TRMT9B: variants seen among roughly 807,000 people sequenced by gnomAD.
TRMT9B encodes probable tRNA methyltransferase 9B.
Under a neutral mutation model 11.5 loss-of-function variants are expected in TRMT9B, and 16 were observed. That is an observed-to-expected ratio of 1.39 (90% CI 0.94 to 2.11). The LOEUF (loss-of-function observed/expected upper bound fraction) is 2.11. Ranked by LOEUF, TRMT9B falls within the 30% of genes most tolerant of loss-of-function variation. TRMT9B has a pLI of 0.00. For synonymous variants in TRMT9B, 274 were observed against 192.4 expected (o/e 1.42, Z -3.51); for missense variants, 941 against 553.8 (o/e 1.70, Z -7.02).
chr8:12,959,668 C>T (rs538230955), intron 1 of TRMT9B, among the ~76,000 whole-genome samples: 8 of 151,702 alleles, frequency 5.3e-5, no homozygotes, highest in South Asian at 4.2e-4. Flanking sequence ...TACAGGTTCA[C>T]GCCACTACAC....
rs1815063161 is a variant in TRMT9B at position 13,029,082 on chromosome 8, G to A, written c.*7038G>A. On this transcript the variant is annotated 3_prime_UTR_variant, in exon 5 of 5. Transcript: ENST00000524591. The stretch of plus-strand genomic sequence containing the variant: ...ATATATATATTCCTAGACATCTAGT[G>A]TTTGCTGTCATTAGTGACCAAGAAA... The A allele has an allele frequency of 6.0e-6, 1 of 166,822 alleles. No individual in the cohort carries two copies. Among genetic ancestry groups the A allele is most frequent in the Non-Finnish European group, 1.5e-5 (1 of 68,104 alleles). The allele number at this position is 166,822 out of a possible 1,614,324, so 10.3% of individuals were successfully genotyped here.
rs117485784 is a variant in TRMT9B, at chr8:12,989,267, C to G, written c.-199-1567C>G. ...GTGTTTCTTTCAATACTAAATATGA[C>G]TGATTTAATAAAAAGTCTCAATTGG... On this transcript the variant is annotated intron_variant, in intron 1 of 4. Transcript: ENST00000524591. 6.7e-3 allele frequency among the ~76,000 whole-genome samples: 1,016 copies of G among 152,226 alleles called. 11 individuals carry two copies. Among genetic ancestry groups the G allele is most frequent in the Admixed American group, 0.021 (318 of 15,292 alleles).
Position 13,012,862 on chromosome 8 carries a change from G to C in TRMT9B, c.328+5G>C. ...ATGCCATCATCTCCATAGGAGGTAA[G>C]GCAGCCAGATCACACATTCACCCTT... is the stretch of plus-strand genomic sequence containing the variant. On this transcript the variant is annotated splice_donor_5th_base_variant and intron_variant, in intron 4 of 4. Transcript: ENST00000524591. 6.2e-7 allele frequency: 1 copy of C among 1,613,086 alleles called. No individual in the cohort carries two copies. Among genetic ancestry groups the C allele is most frequent in the Non-Finnish European group, 8.5e-7 (1 of 1,179,516 alleles).
chr8:12,962,618 G>A (rs1802279769), intron 1 of TRMT9B, among the ~76,000 whole-genome samples: 1 of 152,104 alleles, frequency 6.6e-6, no homozygotes, highest in South Asian at 2.1e-4. Context: ...AGCCCCCCAA[G>A]TAGCTGGGAC....
intron 1 of TRMT9B, among the ~76,000 whole-genome samples, chr8:12,957,518 A>G (rs147268174): frequency 1.3e-4 from 20 of 152,316 alleles, no homozygotes; most frequent in African/African-American, 4.3e-4. Context: ...GCATACAAAG[A>G]TGGTAATTCA....
At chr8:12,962,875 G>A (rs1237199931) in intron 1 of TRMT9B, among the ~76,000 whole-genome samples, 1 of 152,166 alleles carries the variant, frequency 6.6e-6, no homozygotes, top group East Asian at 1.9e-4. Context: ...TCCTACCACT[G>A]GCACAGCTAA....
chr8:12,979,240 T>C (rs535129869), intron 1 of TRMT9B, among the ~76,000 whole-genome samples: 1 of 152,334 alleles, frequency 6.6e-6, no homozygotes, highest in Non-Finnish European at 1.5e-5. Flanking sequence ...TTTTGACCCC[T>C]GCAGGCAATG....
chr8:12,962,705 G>A (rs1395066633), intron 1 of TRMT9B, among the ~76,000 whole-genome samples: 1 of 152,122 alleles, frequency 6.6e-6, no homozygotes, highest in African/African-American at 2.4e-5. Flanking sequence ...TGTCCAGGCT[G>A]GTCTGGAACT....
chr8:12,996,437 A>G lies in TRMT9B; in HGVS notation c.-2+5406A>G, dbSNP rs374670101. Among the ~76,000 whole-genome samples, 304 of 152,304 alleles carry G rather than the reference A, an allele frequency of 2.0e-3. 2 individuals carry two copies. The highest frequency in any genetic ancestry group is 7.1e-3 in the African/African-American group (294 of 41,568). ...TTAAGTTACTTATTTCTTCAGTTAG[A>G]TTTCTTCTGAGGCAAAACTCTCTCA... On this transcript the variant is annotated intron_variant, in intron 2 of 4. Transcript: ENST00000524591.
chr8:12,984,522 A>C (rs982698728), intron 1 of TRMT9B, among the ~76,000 whole-genome samples: 1 of 152,168 alleles, frequency 6.6e-6, no homozygotes, highest in Non-Finnish European at 1.5e-5. Flanking sequence ...CTTGTCCTCC[A>C]TCCTGCCTAA....
intron 1 of TRMT9B, among the ~76,000 whole-genome samples, chr8:12,976,450 A>G (rs1358163997): frequency 3.3e-5 from 5 of 151,876 alleles, no homozygotes; most frequent in Non-Finnish European, 7.4e-5. Context: ...ACATTAACAT[A>G]GCATATGGGC....
At position 12,992,422 on chromosome 8, in the gene TRMT9B, G is replaced by A. The variant is rs935049325; in HGVS notation, c.-2+1391G>A. On this transcript the variant is annotated intron_variant, in intron 2 of 4. Transcript: ENST00000524591. ...GTAATTCTAGCTCTTTGGGAGGCCT[G>A]GGTAGACAGTGCAGTGGTTCACCAT... 3.9e-5 allele frequency among the ~76,000 whole-genome samples: 6 copies of A among 152,152 alleles called. No individual in the cohort carries two copies. In the East Asian group the frequency reaches 9.7e-4, roughly 25 times the overall value.
At chr8:12,969,207 AAAACAAACAAAC>A (rs369224363) in intron 1 of TRMT9B, among the ~76,000 whole-genome samples, 1 of 152,038 alleles carries the variant, frequency 6.6e-6, no homozygotes, top group African/African-American at 2.4e-5. Flanking sequence ...ACTGTGTCTA[AAAACAAACAAAC>A]AAACAAACAA....
intron 4 of TRMT9B, among the ~76,000 whole-genome samples, chr8:13,013,274 C>G (rs950300283): frequency 6.6e-6 from 1 of 152,184 alleles, no homozygotes; most frequent in South Asian, 2.1e-4. Context: ...CTAGGGCTAA[C>G]AAACCAAATG....
chr8:13,021,692 A>T lies in TRMT9B; in HGVS notation c.1013A>T (p.Gln338Leu), dbSNP rs61731897. 47 of 1,613,894 alleles carry T rather than the reference A, an allele frequency of 2.9e-5. No homozygotes were observed. The African/African-American group carries it at 5.9e-4, about 20-fold the overall frequency. Residue 338 changes from glutamine to leucine, a missense_variant, in exon 5 of 5, where the codon CAA becomes CTA. Gln to Leu is a moderately radical substitution (Grantham distance 113). Transcript: ENST00000524591. ...CTGAAACATTTAAATGGAGACCATCAAGGGGAAATGAGGAGAAATGGAGGG... is the reference window on the plus strand; with the variant it reads ...CTGAAACATTTAAATGGAGACCATCTAGGGGAAATGAGGAGAAATGGAGGG... ...GTLKHLNGDH[Q>L]GEMRRNGGGN...
Position 13,021,754 on chromosome 8 carries a change from T to G in TRMT9B, c.1075T>G (p.Cys359Gly), listed in dbSNP as rs1813961081. 1 of 1,613,862 alleles carries G rather than the reference T, an allele frequency of 6.2e-7. No homozygotes were observed. The highest frequency in any genetic ancestry group is 1.3e-5 in the African/African-American group (1 of 74,928). The change falls in exon 5 of 5, where the codon TGT becomes GGT. Residue 359 changes from cysteine (C) to glycine (G), a missense_variant. Cys to Gly is a radical substitution (Grantham distance 159, BLOSUM62 -3). Coordinates refer to ENST00000524591, the MANE Select transcript of TRMT9B (RefSeq NM_020844.3). ...FLDSTNTGVN[C>G]VDAGNIEDDN... The stretch of plus-strand genomic sequence containing the variant: ...GGATAGCACTAATACTGGTGTGAAT[T>G]GTGTGGATGCAGGCAACATAGAAGA...
intron 2 of TRMT9B, among the ~76,000 whole-genome samples, chr8:13,001,429 C>T (rs112520185): frequency 6.6e-5 from 10 of 152,172 alleles, no homozygotes; most frequent in Admixed American, 2.6e-4. Flanking sequence ...CTAGTTAAAA[C>T]GTTTACCGTC....
At chr8:12,974,280 G>A (rs943192177) in intron 1 of TRMT9B, among the ~76,000 whole-genome samples, 1 of 151,984 alleles carries the variant, frequency 6.6e-6, no homozygotes, top group African/African-American at 2.4e-5. Flanking sequence ...AGTGAAGGAT[G>A]CAACAAGAGA....
chr8:12,995,172 G>T (rs572472525), intron 2 of TRMT9B, among the ~76,000 whole-genome samples: 27 of 152,244 alleles, frequency 1.8e-4, no homozygotes, highest in South Asian at 2.1e-4. Flanking sequence ...TACAACTCTA[G>T]ACTTTCTAGA....
Sources: allele counts gnomAD v4.1 joint callset (sites outside exome capture counted in the v4.1 genomes callset), GRCh38; gene constraint gnomAD v4.1.1; transcripts MANE v1.5; gene names NCBI Gene and HGNC (gene_info 2026-07-23, HGNC 2026-07-21).